The following OAS1 variants were observed in gnomAD, a reference collection of about 807,000 sequenced individuals.
OAS1 encodes the protein 2'-5'-oligoadenylate synthase 1.
A neutral mutation model predicts 38.5 loss-of-function variants in OAS1; 24 were observed. That is an observed-to-expected ratio of 0.62 (90% CI 0.45 to 0.88). The LOEUF (loss-of-function observed/expected upper bound fraction) is 0.88. Among genes scored for constraint, OAS1 ranks in the 40% least tolerant of loss-of-function variants. The pLI is 0.00. For synonymous variants in OAS1, 169 were observed against 193.9 expected, an observed-to-expected ratio of 0.87 and a Z score of 1.07; for missense variants, 482 against 493.9, an observed-to-expected ratio of 0.98 and a Z score of 0.23.
intron 4 of OAS1, 102 bp from the exon 5 acceptor site, chr12:112,917,445 C>A: frequency 6.7e-7 from 1 of 1,492,278 alleles, no homozygotes; most frequent in Non-Finnish European, 9.2e-7. Flanking sequence ...GTTCTGAGTC[C>A]CAGTTCATCC....
chr12:112,930,489 T>A (rs1339805351), intron 6 of OAS1, among the ~76,000 whole-genome samples: 3 of 152,182 alleles, frequency 2.0e-5, no homozygotes, highest in African/African-American at 7.2e-5. Flanking sequence ...ACTGCGGAGC[T>A]GGGCACTTGG....
Position 112,916,730 on chromosome 12 carries a change from G to A in OAS1, c.876G>A (p.Thr292=), listed in dbSNP as rs144257676. The change falls in exon 4 of 6, where the codon ACG becomes ACA. Residue 292 remains threonine, a synonymous_variant. Coordinates refer to ENST00000202917, the MANE Select transcript of OAS1 (RefSeq NM_016816.4). The part of the protein sequence containing the change: ...IIEKYLRRQL[T]KPRPVILDPA... ...AAAAGTACCTGAGAAGGCAGCTCAC[G>A]AAACCCAGGTATGCTATCCCCACAT... The A allele has an allele frequency of 7.1e-5, 115 of 1,613,110 alleles. No homozygotes were observed. Among genetic ancestry groups the A allele is most frequent in the African/African-American group, 6.9e-4 (52 of 75,006 alleles).
chr12:112,911,132 G>A lies in OAS1; in HGVS notation c.551G>A (p.Gly184Asp), dbSNP rs1312552248. 3 of 1,613,762 alleles carry A rather than the reference G, an allele frequency of 1.9e-6. No individual in the cohort carries two copies. In the South Asian group the frequency reaches 3.3e-5, roughly 18 times the overall value. Residue 184 changes from glycine to aspartate, a missense_variant, in exon 3 of 6, where the codon GGC becomes GAC. Physicochemically the swap from Gly to Asp is moderately conservative, Grantham distance 94 (BLOSUM62 -1). Coordinates refer to ENST00000202917, the MANE Select transcript of OAS1 (RefSeq NM_016816.4). ...GAGTGCACCGACCTGCAGAAAGAGG[G>A]CGAGTTCTCCACCTGCTTCACAGAA... ...IEECTDLQKE[G>D]EFSTCFTELQ... is the part of the protein sequence containing the mutation.
intron 3 of OAS1, among the ~76,000 whole-genome samples, chr12:112,916,090 T>G (rs867225548): frequency 1.5e-4 from 23 of 152,356 alleles, no homozygotes; most frequent in Middle Eastern, 3.4e-3. Context: ...CAGTTAATTT[T>G]CGTAGTATCT....
downstream of OAS1, among the ~76,000 whole-genome samples, chr12:112,924,817 A>G (rs2043549057): frequency 6.6e-6 from 1 of 152,202 alleles, no homozygotes; most frequent in Admixed American, 6.5e-5. Flanking sequence ...ACTTTTGGGA[A>G]GTATTTCTCA....
intron 3 of OAS1, among the ~76,000 whole-genome samples, chr12:112,914,060 A>G (rs1281044859): frequency 6.6e-6 from 1 of 152,114 alleles, no homozygotes; most frequent in Non-Finnish European, 1.5e-5. Context: ...CATTGTACCC[A>G]ATGTGTAATC....
intron 5 of OAS1, chr12:112,918,413 C>A: frequency 3.4e-6 from 1 of 290,522 alleles, no homozygotes; most frequent in East Asian, 8.3e-5. Context: ...TAAGTTGATT[C>A]CATGACTTTG....
At chr12:112,920,336 A>G (rs1239157791), downstream of OAS1, among the ~76,000 whole-genome samples, 1 of 152,248 alleles carries the variant, frequency 6.6e-6, no homozygotes, top group African/African-American at 2.4e-5. Context: ...CTAAATCTAC[A>G]TGTGCTGTGA....
chr12:112,921,713 A>G (rs1192782557), downstream of OAS1, among the ~76,000 whole-genome samples: 1 of 152,224 alleles, frequency 6.6e-6, no homozygotes, highest in Non-Finnish European at 1.5e-5. Context: ...GACTTGCACC[A>G]CAGCCTATAC....
chr12:112,933,096 GAACACACTGTCTTACT>G (rs751696306), downstream of OAS1: 13 of 152,246 alleles, frequency 8.5e-5, no homozygotes, highest in Non-Finnish European at 1.6e-4. Flanking sequence ...GCTCCTGGAA[GAACACACTGTCTTACT>G]GTTGTTTCCT....
At chr12:112,930,128 C>T (rs1222056500) in intron 6 of OAS1, among the ~76,000 whole-genome samples, 1 of 152,016 alleles carries the variant, frequency 6.6e-6, no homozygotes, top group Admixed American at 6.6e-5. Context: ...TGGGTGGCAC[C>T]TCCTCCCCAC....
At chr12:112,921,503 G>A (rs1292190947), downstream of OAS1, among the ~76,000 whole-genome samples, 1 of 152,198 alleles carries the variant, frequency 6.6e-6, no homozygotes, top group Non-Finnish European at 1.5e-5. Flanking sequence ...ACAGGACCCA[G>A]GAGTATACCG....
chr12:112,917,322 G>A (rs1037831133), intron 4 of OAS1, among the ~76,000 whole-genome samples: 10 of 152,150 alleles, frequency 6.6e-5, no homozygotes, highest in Non-Finnish European at 1.3e-4. Flanking sequence ...AAGGGCAGAG[G>A]TGGGATTCAA....
intron 3 of OAS1, among the ~76,000 whole-genome samples, chr12:112,916,120 A>G (rs2043450528): frequency 6.6e-6 from 1 of 152,338 alleles, no homozygotes; most frequent in Non-Finnish European, 1.5e-5. Context: ...AGGTGCTATT[A>G]CAACCACTCA....
At chr12:112,908,915 T>A in intron 2 of OAS1, 91 bp downstream of exon 2, 2 of 1,370,740 alleles carry the variant, frequency 1.5e-6, no homozygotes, top group South Asian at 2.8e-5. Flanking sequence ...ACAGGGCATC[T>A]CTCTAAAGCA....
chr12:112,924,685 G>A (rs924891322), downstream of OAS1, among the ~76,000 whole-genome samples: 2 of 152,120 alleles, frequency 1.3e-5, no homozygotes, highest in Non-Finnish European at 2.9e-5. Flanking sequence ...TGCTTCATGG[G>A]AGACTTAAAC....
downstream of OAS1, among the ~76,000 whole-genome samples, chr12:112,923,797 G>T (rs1435808120): frequency 1.3e-5 from 2 of 152,176 alleles, no homozygotes; most frequent in African/African-American, 4.8e-5. Flanking sequence ...AGATTGCCAA[G>T]AATACACAAT....
At chr12:112,921,189 T>C (rs939676163), downstream of OAS1, among the ~76,000 whole-genome samples, 4 of 152,200 alleles carry the variant, frequency 2.6e-5, no homozygotes, top group Admixed American at 6.5e-5. Flanking sequence ...CAAATGTGAA[T>C]CTCTTTCAGA....
At chr12:112,931,666 C>T (rs1348311686) in intron 6 of OAS1, among the ~76,000 whole-genome samples, 1 of 152,190 alleles carries the variant, frequency 6.6e-6, no homozygotes, top group Non-Finnish European at 1.5e-5. Flanking sequence ...AAACTGTTGC[C>T]CCGCATTCTC....
Sources: allele counts gnomAD v4.1 joint callset (sites outside exome capture counted in the v4.1 genomes callset), GRCh38; gene constraint gnomAD v4.1.1; transcripts MANE v1.5; gene names NCBI Gene and HGNC (gene_info 2026-07-23, HGNC 2026-07-21).